HABP2: variants seen among roughly 807,000 people sequenced by gnomAD.
HABP2 encodes the protein hyaluronan binding protein 2.
In HABP2, 65 loss-of-function variants were observed where a neutral mutation model predicts 66.5. The observed-to-expected ratio is 0.98, with a 90% CI of 0.80 to 1.20. The LOEUF (loss-of-function observed/expected upper bound fraction) is 1.20, where lower values mean the gene tolerates loss of function less well. Among genes scored for constraint, HABP2 ranks in the 50% most tolerant of loss-of-function variants. The pLI is 0.00. For missense variants in HABP2, 786 were observed against 691.0 expected (o/e 1.14, Z -1.54); for synonymous variants, 263 against 253.9 (o/e 1.04, Z -0.34).
At position 113,573,750 on chromosome 10, in the gene HABP2, T is replaced by C. The variant is rs556064976; in HGVS notation, c.107-539T>C. Reference sequence around the variant, plus strand: ...AATGTTATCTGTTAAAATGACTCTGTAGATAATGCTTGACCATGACCAAAA... The same window carrying C: ...AATGTTATCTGTTAAAATGACTCTGCAGATAATGCTTGACCATGACCAAAA... On this transcript the variant is annotated intron_variant, in intron 2 of 12. Coordinates refer to ENST00000351270, the MANE Select transcript of HABP2 (RefSeq NM_004132.5). Among the ~76,000 whole-genome samples, 9 of 152,348 alleles carry C rather than the reference T, an allele frequency of 5.9e-5. No homozygotes were observed. In the South Asian group the frequency reaches 1.9e-3, roughly 32 times the overall value.
At chr10:113,573,585 C>T (rs1263593328) in intron 2 of HABP2, among the ~76,000 whole-genome samples, 1 of 152,130 alleles carries the variant, frequency 6.6e-6, no homozygotes, top group Admixed American at 6.5e-5. Context: ...GTGTCCTTGG[C>T]CAAGTTACTC....
intron 2 of HABP2, among the ~76,000 whole-genome samples, chr10:113,569,380 C>A (rs578178793): frequency 2.3e-4 from 35 of 152,316 alleles, no homozygotes; most frequent in Admixed American, 2.3e-3. Context: ...AGTTTAAAAA[C>A]ATCCCTGTTC....
At chr10:113,565,620 C>G (rs1845184133) in intron 1 of HABP2, among the ~76,000 whole-genome samples, 1 of 152,144 alleles carries the variant, frequency 6.6e-6, no homozygotes. Flanking sequence ...ACATTGAGGC[C>G]CCACCTCCAA....
chr10:113,574,953 G>A (rs1845382653), intron 3 of HABP2, among the ~76,000 whole-genome samples: 2 of 152,058 alleles, frequency 1.3e-5, no homozygotes, highest in South Asian at 4.2e-4. Context: ...GTGCATATGT[G>A]TGTGTGTGTA....
At chr10:113,580,249 C>A (rs1027290856) in intron 7 of HABP2, among the ~76,000 whole-genome samples, 6 of 152,174 alleles carry the variant, frequency 3.9e-5, no homozygotes, top group African/African-American at 1.4e-4. Context: ...AGGAACCCAA[C>A]TCTCACCATG....
At chr10:113,584,629 T>C (rs1592701580) in intron 11 of HABP2, among the ~76,000 whole-genome samples, 1 of 152,252 alleles carries the variant, frequency 6.6e-6, no homozygotes, top group East Asian at 1.9e-4. Flanking sequence ...ATTCAATTCT[T>C]GACTTTGTCA....
At chr10:113,579,927 T>C (rs370989389) in intron 7 of HABP2, among the ~76,000 whole-genome samples, 1 of 152,016 alleles carries the variant, frequency 6.6e-6, no homozygotes, top group South Asian at 2.1e-4. Context: ...GGATTACAGG[T>C]GCGCACCACC....
intron 10 of HABP2, 48 bp from the exon 11 acceptor site, chr10:113,584,100 G>T: frequency 6.3e-7 from 1 of 1,589,898 alleles, no homozygotes; most frequent in South Asian, 1.1e-5. Context: ...GTGCTTCTCT[G>T]ACAAAGAGGT....
At chr10:113,582,176 G>A (rs757713503) in intron 9 of HABP2, 45 bp downstream of exon 9, 8 of 1,564,346 alleles carry the variant, frequency 5.1e-6, no homozygotes, top group Admixed American at 2.0e-5. Context: ...TGAGTGGCTG[G>A]GGGTGCTCTC....
chr10:113,553,336 G>A (rs1844933160), intron 1 of HABP2, 146 bp downstream of exon 1: 1 of 639,668 alleles, frequency 1.6e-6, no homozygotes, highest in Admixed American at 2.6e-5. Context: ...ACCAATGCAG[G>A]CCTGTGGCTT....
intron 10 of HABP2, 32 bp from the exon 11 acceptor site, chr10:113,584,116 C>T (rs780547717): frequency 8.8e-6 from 14 of 1,597,038 alleles, no homozygotes; most frequent in Admixed American, 1.7e-5. Flanking sequence ...GAGGTGACAT[C>T]GCATCCATTT....
intron 11 of HABP2, among the ~76,000 whole-genome samples, chr10:113,585,116 G>T (rs189256817): frequency 0.011 from 1,627 of 152,236 alleles, 15 homozygotes; most frequent in Non-Finnish European, 0.014. Flanking sequence ...TGAGTCTTTT[G>T]AGAAAGATGT....
chr10:113,589,318 T>C lies in HABP2; in HGVS notation c.*949T>C, dbSNP rs1270949759. 1 of 575,632 alleles carries C rather than the reference T, an allele frequency of 1.7e-6. No homozygotes were observed. Among genetic ancestry groups the C allele is most frequent in the Non-Finnish European group, 3.1e-6 (1 of 325,846 alleles). The allele number at this position is 575,632 out of a possible 1,614,324, so 35.7% of individuals were successfully genotyped here. A position where few individuals can be genotyped will look rare whatever the true frequency, so the allele number is the denominator to read the frequency against. Reference sequence around the variant, plus strand: ...CTTCTGAACAAAGTAGGGTTCAAAATGCAGACTGTCATATCCAGCGAGTCC... The same window carrying C: ...CTTCTGAACAAAGTAGGGTTCAAAACGCAGACTGTCATATCCAGCGAGTCC... On this transcript the variant is annotated 3_prime_UTR_variant, in exon 13 of 13. Coordinates refer to ENST00000351270, the MANE Select transcript of HABP2 (RefSeq NM_004132.5).
intron 9 of HABP2, 24 bp downstream of exon 9, chr10:113,582,155 C>A: frequency 6.3e-7 from 1 of 1,585,444 alleles, no homozygotes; most frequent in Non-Finnish European, 8.5e-7. Context: ...GGAGCAGGGA[C>A]CAGGGTGGCT....
chr10:113,578,151 G>T lies in HABP2; in HGVS notation c.568+6G>T, dbSNP rs771431897. ...GGGGAAATTCTGTGAAATAGGTATG[G>T]GTCTCTGCCACCATCAGGGCCACAA... is the stretch of plus-strand genomic sequence containing the variant. On this transcript the variant is annotated splice_donor_region_variant and intron_variant, in intron 6 of 12. Coordinates refer to ENST00000351270, the MANE Select transcript of HABP2 (RefSeq NM_004132.5). 1 of 1,613,970 alleles carries T rather than the reference G, an allele frequency of 6.2e-7. No individual in the cohort carries two copies. Among genetic ancestry groups the T allele is most frequent in the South Asian group, 1.1e-5 (1 of 91,054 alleles).
intron 3 of HABP2, among the ~76,000 whole-genome samples, chr10:113,575,065 T>C (rs983102475): frequency 1.3e-5 from 2 of 152,054 alleles, no homozygotes; most frequent in Admixed American, 1.3e-4. Context: ...CAATGCCATG[T>C]GACTAAACCA....
intron 7 of HABP2, among the ~76,000 whole-genome samples, chr10:113,579,760 GTT>G (rs528778628): frequency 1.5e-4 from 22 of 144,204 alleles, no homozygotes; most frequent in African/African-American, 5.2e-4. Flanking sequence ...ATTTTTTCTT[GTT>G]TTTTTTTTTT....
chr10:113,562,656 G>T (rs973584570), intron 1 of HABP2, among the ~76,000 whole-genome samples: 1 of 152,178 alleles, frequency 6.6e-6, no homozygotes, highest in Non-Finnish European at 1.5e-5. Context: ...TGTTGGCCAA[G>T]CTGGTCTCCA....
intron 12 of HABP2, among the ~76,000 whole-genome samples, chr10:113,586,208 A>C (rs1564682064): frequency 6.6e-6 from 1 of 152,222 alleles, no homozygotes; most frequent in Non-Finnish European, 1.5e-5. Context: ...TGATGTCATG[A>C]TCACCATTTT....
Sources: gnomAD v4.1 joint callset for allele counts (sites outside exome capture counted in the v4.1 genomes callset) on GRCh38, gnomAD v4.1.1 for gene constraint, MANE v1.5 for transcripts, NCBI Gene and HGNC (gene_info 2026-07-23, HGNC 2026-07-21) for gene names.